Variants in ANKRD62 observed in about 807,000 individuals in gnomAD.
The protein encoded by ANKRD62 is ankyrin repeat domain 62, also known as ankyrin repeat domain-containing protein 62.
In ANKRD62, 61 loss-of-function variants were observed where a neutral mutation model predicts 98.8. That is an observed-to-expected ratio of 0.62 (90% CI 0.50 to 0.76). The LOEUF (loss-of-function observed/expected upper bound fraction) is 0.76, where lower values mean the gene tolerates loss of function less well. Ranked by LOEUF, ANKRD62 falls within the 30% of genes least tolerant of loss-of-function variation. ANKRD62 has a pLI of 0.00. For synonymous variants in ANKRD62, 341 were observed against 367.9 expected, an observed-to-expected ratio of 0.93 and a Z score of 0.84; for missense variants, 933 against 1,082.9, an observed-to-expected ratio of 0.86 and a Z score of 1.94.
the ANKRD62 span, among the ~76,000 whole-genome samples, chr18:12,152,112 G>C: frequency 7.2e-6 from 1 of 138,400 alleles, no homozygotes; most frequent in Non-Finnish European, 1.5e-5. Context: ...GGACCCGATG[G>C]ATTCACAGCC....
chr18:12,140,175 CG>C, the ANKRD62 span, among the ~76,000 whole-genome samples: 1 of 152,202 alleles, frequency 6.6e-6, no homozygotes. Context: ...ACGTAGTTCT[CG>C]TGCCTTGGTT....
the ANKRD62 span, among the ~76,000 whole-genome samples, chr18:12,170,705 G>T: frequency 2.6e-5 from 4 of 152,106 alleles, no homozygotes; most frequent in African/African-American, 9.7e-5. Context: ...CTGTCTCGTT[G>T]ATCTGTCTAA....
rs776030601 is a variant in ANKRD62 at position 12,127,779 on chromosome 18, A to C, written c.2594A>C (p.Asp865Ala). Residue 865 changes from aspartate to alanine, a missense_variant, in exon 14 of 14, where the codon GAT becomes GCT. This residue lies in a region of ANKRD62 where 362 missense variants were observed against 434.5 expected (regional missense o/e 0.83). Coordinates refer to ENST00000587848, the MANE Select transcript of ANKRD62 (RefSeq NM_001277333.2). ...VVRRQLQREV[D>A]DALNKQLLLE... ...AGGAGACAGCTTCAACGAGAAGTGG[A>C]TGATGCCCTGAACAAACAATTGCTG... 8.2e-6 allele frequency: 12 copies of C among 1,470,628 alleles called. No homozygotes were observed. In the South Asian group the frequency reaches 1.7e-4, roughly 21 times the overall value. The allele number at this position is 1,470,628 out of a possible 1,614,324, so 91.1% of individuals were successfully genotyped here. A position where few individuals can be genotyped will look rare whatever the true frequency, so the allele number is the denominator to read the frequency against.
At chr18:12,112,041 C>T (rs919719324) in intron 8 of ANKRD62, among the ~76,000 whole-genome samples, 1 of 137,708 alleles carries the variant, frequency 7.3e-6, no homozygotes, top group Non-Finnish European at 1.5e-5. Context: ...ACCCAGGAGG[C>T]GGAGGTTGCA....
At chr18:12,127,313 G>A (rs1412925223) in intron 13 of ANKRD62, among the ~76,000 whole-genome samples, 1 of 152,168 alleles carries the variant, frequency 6.6e-6, no homozygotes, top group African/African-American at 2.4e-5. Context: ...CCATTGGAAG[G>A]TTAGTTTTCT....
At chr18:12,122,197 A>G in intron 10 of ANKRD62, 106 bp from the exon 11 acceptor site, 1 of 768,748 alleles carries the variant, frequency 1.3e-6, no homozygotes, top group South Asian at 2.0e-5. Context: ...TAATATGTAC[A>G]TATTCATTCA....
chr18:12,151,022 T>C, the ANKRD62 span, among the ~76,000 whole-genome samples: 2 of 152,174 alleles, frequency 1.3e-5, no homozygotes, highest in Non-Finnish European at 2.9e-5. Flanking sequence ...GAACCAATCA[T>C]ATGCTGTCTT....
the ANKRD62 span, among the ~76,000 whole-genome samples, chr18:12,170,254 C>G: frequency 6.6e-6 from 1 of 152,126 alleles, no homozygotes; most frequent in East Asian, 1.9e-4. Flanking sequence ...CCTGCTTTCT[C>G]TTGTGGGCAT....
chr18:12,150,274 T>A, the ANKRD62 span, among the ~76,000 whole-genome samples: 138 of 152,156 alleles, frequency 9.1e-4, no homozygotes, highest in African/African-American at 3.1e-3. Context: ...CCAAAAGACA[T>A]GAACAAAACC....
At chr18:12,134,563 C>T (rs1272634587), downstream of ANKRD62, among the ~76,000 whole-genome samples, 1 of 152,112 alleles carries the variant, frequency 6.6e-6, no homozygotes, top group Non-Finnish European at 1.5e-5. Flanking sequence ...TGTGATGTTC[C>T]CCTTCCTGTG....
the ANKRD62 span, among the ~76,000 whole-genome samples, chr18:12,170,798 A>T: frequency 1.7e-3 from 263 of 152,270 alleles, 1 homozygote; most frequent in African/African-American, 6.1e-3. Context: ...GACTTGCCTT[A>T]TGAATCTGGG....
At chr18:12,120,204 C>T (rs1909755255) in intron 10 of ANKRD62, among the ~76,000 whole-genome samples, 1 of 152,130 alleles carries the variant, frequency 6.6e-6, no homozygotes, top group African/African-American at 2.4e-5. Context: ...TTTTCTGCCT[C>T]CTTGTTCTAT....
chr18:12,170,449 T>C, the ANKRD62 span, among the ~76,000 whole-genome samples: 1 of 152,172 alleles, frequency 6.6e-6, no homozygotes. Flanking sequence ...TTTGAGTGAG[T>C]TTCTTAATCC....
In ANKRD62 at chr18:12,127,676, A is replaced by G; in HGVS notation, c.2563-72A>G. ...GTATTTTTCGAAGTGTGTATATTAG[A>G]GTTAAATATTATTAACAAAATTTAA... On this transcript the variant is annotated intron_variant, in intron 13 of 13. Coordinates refer to ENST00000587848, the MANE Select transcript of ANKRD62 (RefSeq NM_001277333.2). 2.6e-6 allele frequency: 3 copies of G among 1,159,976 alleles called. No homozygotes were observed. In the South Asian group the frequency reaches 7.2e-5, roughly 28 times the overall value. The allele number at this position is 1,159,976 out of a possible 1,614,324, so 71.9% of individuals were successfully genotyped here. A position where few individuals can be genotyped will look rare whatever the true frequency, so the allele number is the denominator to read the frequency against.
At chr18:12,110,972 G>A (rs1909524463) in intron 8 of ANKRD62, among the ~76,000 whole-genome samples, 1 of 152,148 alleles carries the variant, frequency 6.6e-6, no homozygotes, top group African/African-American at 2.4e-5. Flanking sequence ...CAAATCAATA[G>A]GCCAGGCACA....
At chr18:12,152,334 C>G in the ANKRD62 span, among the ~76,000 whole-genome samples, 1 of 152,140 alleles carries the variant, frequency 6.6e-6, no homozygotes, top group African/African-American at 2.4e-5. Flanking sequence ...CATAAATCCT[C>G]AACAAAATCC....
chr18:12,171,521 G>T, the ANKRD62 span, among the ~76,000 whole-genome samples: 1 of 152,168 alleles, frequency 6.6e-6, no homozygotes, highest in African/African-American at 2.4e-5. Context: ...TTAGTGTGAT[G>T]GGCTTCCCTT....
At chr18:12,171,211 TG>T in the ANKRD62 span, among the ~76,000 whole-genome samples, 1 of 152,258 alleles carries the variant, frequency 6.6e-6, no homozygotes, top group Non-Finnish European at 1.5e-5. Flanking sequence ...GCCCGTTAGT[TG>T]ATGCAGTTTC....
chr18:12,172,051 GT>G, the ANKRD62 span, among the ~76,000 whole-genome samples: 3 of 152,178 alleles, frequency 2.0e-5, no homozygotes, highest in East Asian at 5.8e-4. Context: ...TTTTTTCAAG[GT>G]TTTTAGCTTC....
Sources: allele counts gnomAD v4.1 joint callset (sites outside exome capture counted in the v4.1 genomes callset), GRCh38; gene constraint gnomAD v4.1.1; regional missense constraint gnomAD v4.1.1; transcripts MANE v1.5; gene names NCBI Gene and HGNC (gene_info 2026-07-23, HGNC 2026-07-21).